The following PHIP variants were observed in gnomAD, a reference collection of about 807,000 sequenced individuals.
PHIP encodes the protein PHIP subunit of CUL4-Ring ligase complex.
Under a neutral mutation model 236.8 loss-of-function variants are expected in PHIP, and 54 were observed. That is an observed-to-expected ratio of 0.23 (90% CI 0.18 to 0.29). The LOEUF is 0.29. Among genes scored for constraint, PHIP ranks in the 10% least tolerant of loss-of-function variants. The pLI, the probability that PHIP is intolerant of heterozygous loss-of-function variation, is 1.00. For synonymous variants in PHIP, 756 were observed against 718.9 expected, an observed-to-expected ratio of 1.05 and a Z score of -0.83; for missense variants, 1,370 against 2,190.8, an observed-to-expected ratio of 0.63 and a Z score of 7.48.
rs758952230 is a variant in PHIP at position 79,015,614 on chromosome 6, T to C, written c.1389+16A>G. On this transcript the variant is annotated intron_variant, in intron 14 of 39. Transcript: ENST00000275034. ...AGCTTCAGTTATATCAAATAAAGAT[T>C]AGAATTTTTTCTCACCATCAGGACA... 6 of 1,559,060 alleles carry C rather than the reference T, an allele frequency of 3.8e-6. No homozygotes were observed. The highest frequency in any genetic ancestry group is 3.5e-5 in the South Asian group (3 of 86,026).
At chr6:78,970,634 A>T in intron 25 of PHIP, 147 bp downstream of exon 25, 1 of 550,546 alleles carries the variant, frequency 1.8e-6, no homozygotes, top group East Asian at 3.2e-5. Flanking sequence ...AAAATTAAAC[A>T]CCTCCTACTC....
intron 6 of PHIP, among the ~76,000 whole-genome samples, chr6:79,056,694 A>G (rs1181501476): frequency 6.6e-6 from 1 of 152,140 alleles, no homozygotes; most frequent in African/African-American, 2.4e-5. Context: ...ATCTGGCCCA[A>G]AATGTCTCAA....
intron 15 of PHIP, among the ~76,000 whole-genome samples, chr6:79,005,734 G>A (rs1770255362): frequency 6.6e-6 from 1 of 151,946 alleles, no homozygotes. Context: ...GTCCAATTTA[G>A]CAATTTCAAA....
chr6:78,992,427 T>TTG (rs1016258847), intron 19 of PHIP, among the ~76,000 whole-genome samples: 6 of 151,856 alleles, frequency 4.0e-5, no homozygotes, highest in African/African-American at 1.2e-4. Flanking sequence ...TTCTATTAGT[T>TTG]TGTGTGTGTG....
chr6:79,063,376 AT>A (rs994918002), intron 4 of PHIP, among the ~76,000 whole-genome samples: 1 of 152,150 alleles, frequency 6.6e-6, no homozygotes, highest in South Asian at 2.1e-4. Context: ...ATGCAGTAAA[AT>A]TTTTTTACAT....
intron 15 of PHIP, among the ~76,000 whole-genome samples, chr6:79,012,868 A>C (rs1770660512): frequency 6.6e-6 from 1 of 151,806 alleles, no homozygotes; most frequent in African/African-American, 2.4e-5. Flanking sequence ...AACTCATAAA[A>C]GACAGACAGG....
intron 7 of PHIP, among the ~76,000 whole-genome samples, chr6:79,036,574 C>T (rs1771941992): frequency 6.6e-6 from 1 of 152,128 alleles, no homozygotes; most frequent in African/African-American, 2.4e-5. Flanking sequence ...CCTCTCTCTC[C>T]ATATAACATA....
intron 7 of PHIP, among the ~76,000 whole-genome samples, chr6:79,036,921 C>CAAAAAAAAA (rs34875528): frequency 2.6e-5 from 1 of 38,950 alleles, no homozygotes; most frequent in East Asian, 8.4e-4. Context: ...GACTCCGTCT[C>CAAAAAAAAA]AAAAAAAAAA....
intron 21 of PHIP, among the ~76,000 whole-genome samples, chr6:78,987,037 T>C (rs1289961819): frequency 2.0e-5 from 3 of 152,110 alleles, no homozygotes; most frequent in Admixed American, 6.5e-5. Flanking sequence ...ATTAGTATAC[T>C]GTGCCCAAAG....
intron 4 of PHIP, among the ~76,000 whole-genome samples, chr6:79,070,569 CT>C (rs1389885624): frequency 6.6e-6 from 1 of 152,094 alleles, no homozygotes; most frequent in Non-Finnish European, 1.5e-5. Context: ...AGTTACATGC[CT>C]TTTTCTATTC....
rs201744715 is a variant in PHIP, at chr6:78,991,306, A to AT, written c.2202-322dup. ...AATTTTTCCAAGAGTGAGAAATTGGATTTTTTTTTTTTTTTTTAGGATAGG... is the reference window on the plus strand; with the variant it reads ...AATTTTTCCAAGAGTGAGAAATTGGATTTTTTTTTTTTTTTTTTAGGATAGG... On this transcript the variant is annotated intron_variant, in intron 19 of 39. Transcript: ENST00000275034. 5.7e-3 allele frequency among the ~76,000 whole-genome samples: 788 copies of AT among 137,702 alleles called. 4 individuals carry two copies. Among genetic ancestry groups the AT allele is most frequent in the East Asian group, 0.011 (51 of 4,674 alleles). 90.3% of individuals were successfully genotyped at this position (137,702 alleles called of 152,430 possible). A position where few individuals can be genotyped will look rare whatever the true frequency, so the allele number is the denominator to read the frequency against.
At chr6:78,959,149 T>C (rs1425744372) in intron 31 of PHIP, among the ~76,000 whole-genome samples, 1 of 152,108 alleles carries the variant, frequency 6.6e-6, no homozygotes, top group Non-Finnish European at 1.5e-5. Context: ...GAACACTTAA[T>C]TGACAATGCT....
chr6:78,949,211 C>A (rs1224228372), intron 35 of PHIP, among the ~76,000 whole-genome samples: 2 of 152,154 alleles, frequency 1.3e-5, no homozygotes, highest in African/African-American at 4.8e-5. Flanking sequence ...TAATGTCTCA[C>A]TTCTTCAGAT....
chr6:78,995,957 C>T (rs535712977), intron 19 of PHIP, among the ~76,000 whole-genome samples: 1 of 152,258 alleles, frequency 6.6e-6, no homozygotes, highest in South Asian at 2.1e-4. Flanking sequence ...AAAGTTATGG[C>T]CACAGTCTTG....
rs1202037119 is a variant in PHIP at position 79,040,000 on chromosome 6, T to C, written c.600+2843A>G. Among the ~76,000 whole-genome samples the C allele has an allele frequency of 2.0e-5, 3 of 152,252 alleles. No homozygotes were observed. The East Asian group carries it at 5.8e-4, about 29-fold the overall frequency. ...AGAATTTCATTATCAATTACAATGA[T>C]TTCCTTTTTAATTCTTGTATACCAT... On this transcript the variant is annotated intron_variant, in intron 7 of 39. Coordinates refer to ENST00000275034, the MANE Select transcript of PHIP (RefSeq NM_017934.7).
chr6:78,939,589 G>GTA lies in PHIP; in HGVS notation c.*1102_*1103dup, dbSNP rs1177998158. ...GGTAATAGTATATAAGTATGTGTTT[G>GTA]TATATATATTTAATTATACCCATTT... is the stretch of plus-strand genomic sequence containing the variant. On this transcript the variant is annotated 3_prime_UTR_variant, in exon 40 of 40. Coordinates refer to ENST00000275034, the MANE Select transcript of PHIP (RefSeq NM_017934.7). 1 of 151,728 alleles carries GTA rather than the reference G, an allele frequency of 6.6e-6. No homozygotes were observed. The highest frequency in any genetic ancestry group is 2.1e-4 in the South Asian group (1 of 4,834). The allele number at this position is 151,728 out of a possible 1,614,324, so 9.4% of individuals were successfully genotyped here.
At chr6:78,951,192 A>G (rs940366757) in intron 35 of PHIP, among the ~76,000 whole-genome samples, 1 of 152,166 alleles carries the variant, frequency 6.6e-6, no homozygotes, top group Admixed American at 6.5e-5. Context: ...AAAATATAAA[A>G]ATGATTTTTT....
chr6:79,061,409 T>C (rs997318852), intron 4 of PHIP, among the ~76,000 whole-genome samples: 1 of 152,146 alleles, frequency 6.6e-6, no homozygotes, highest in Non-Finnish European at 1.5e-5. Context: ...ATTAGTTGTT[T>C]TTCACTTTTT....
intron 15 of PHIP, among the ~76,000 whole-genome samples, chr6:79,009,297 G>A (rs1441566444): frequency 2.6e-5 from 4 of 152,018 alleles, no homozygotes; most frequent in African/African-American, 9.7e-5. Flanking sequence ...CTATGAACAT[G>A]TCTTGACACT....
Sources: allele counts gnomAD v4.1 joint callset (sites outside exome capture counted in the v4.1 genomes callset), GRCh38; gene constraint gnomAD v4.1.1; transcripts MANE v1.5; gene names NCBI Gene and HGNC (gene_info 2026-07-23, HGNC 2026-07-21).